The following HERC2 variants were observed in gnomAD, a reference collection of about 807,000 sequenced individuals.
HERC2 encodes the protein HECT and RLD domain containing E3 ubiquitin protein ligase 2.
Under a neutral mutation model 537.7 loss-of-function variants are expected in HERC2, and 102 were observed. The observed-to-expected ratio is 0.19, with a 90% CI of 0.16 to 0.22. The LOEUF (loss-of-function observed/expected upper bound fraction) is 0.22, where lower values mean the gene tolerates loss of function less well. Ranked by LOEUF, HERC2 falls within the 10% of genes least tolerant of loss-of-function variation. The pLI is 1.00. For synonymous variants in HERC2, 2,224 were observed against 2,466.2 expected (o/e 0.90, Z 2.91); for missense variants, 4,236 against 6,198.2 (o/e 0.68, Z 10.63).
At chr15:28,163,903 C>T (rs989163808) in intron 68 of HERC2, among the ~76,000 whole-genome samples, 2 of 152,164 alleles carry the variant, frequency 1.3e-5, no homozygotes, top group Admixed American at 6.5e-5. Flanking sequence ...TCCTTGTTTG[C>T]TATGAGCCAA....
intron 2 of HERC2, among the ~76,000 whole-genome samples, chr15:28,308,531 G>A (rs2076854611): frequency 6.6e-6 from 1 of 152,168 alleles, no homozygotes; most frequent in African/African-American, 2.4e-5. Context: ...CCAATGTGGA[G>A]GCCTTTTATT....
intron 14 of HERC2, among the ~76,000 whole-genome samples, chr15:28,264,294 C>T (rs1469597498): frequency 6.6e-6 from 1 of 152,186 alleles, no homozygotes; most frequent in Non-Finnish European, 1.5e-5. Flanking sequence ...GAGTGGCATG[C>T]CTGCATGCCA....
chr15:28,217,809 CA>C (rs1001697063), intron 38 of HERC2, among the ~76,000 whole-genome samples: 5 of 152,056 alleles, frequency 3.3e-5, no homozygotes, highest in African/African-American at 1.2e-4. Context: ...AAGACGCAGG[CA>C]GAGACTGGCA....
In HERC2 at chr15:28,233,652, C is replaced by T. The variant is rs201523297; in HGVS notation, c.4351+12G>A. 2.8e-4 allele frequency: 449 copies of T among 1,613,668 alleles called. No homozygotes were observed. The highest frequency in any genetic ancestry group is 3.6e-4 in the Non-Finnish European group (422 of 1,179,624). On this transcript the variant is annotated intron_variant, in intron 28 of 92. Coordinates refer to ENST00000261609, the MANE Select transcript of HERC2 (RefSeq NM_004667.6). ...CAGTGTACCTAAAGTACACAGATAT[C>T]GAGCTCCTTACCTAAATCTTCATGT...
intron 74 of HERC2, 146 bp downstream of exon 74, chr15:28,143,727 T>G: frequency 3.1e-6 from 3 of 959,026 alleles, no homozygotes; most frequent in Non-Finnish European, 4.7e-6. Context: ...ATTACACGCA[T>G]GAGCCACCGC....
In HERC2 at chr15:28,141,747, C is replaced by T; in HGVS notation, c.11800G>A (p.Val3934Met). The change falls in exon 77 of 93, where the codon GTG (valine) becomes ATG (methionine). Residue 3934 changes from valine to methionine, a missense_variant. Coordinates refer to ENST00000261609, the MANE Select transcript of HERC2 (RefSeq NM_004667.6). ...IFKREQDEQL[V>M]QWMNRRPDDW... ...TATAATAACCTGTTCATCCACTGCACAAGTTGTTCGTCTTGCTCTCTTTTA... is the reference window on the plus strand; with the variant it reads ...TATAATAACCTGTTCATCCACTGCATAAGTTGTTCGTCTTGCTCTCTTTTA... The T allele has an allele frequency of 6.2e-7, 1 of 1,614,094 alleles. No homozygotes were observed. The highest frequency in any genetic ancestry group is 1.1e-5 in the South Asian group (1 of 91,078).
At chr15:28,197,682 C>A (rs538256605) in intron 50 of HERC2, among the ~76,000 whole-genome samples, 4 of 152,076 alleles carry the variant, frequency 2.6e-5, no homozygotes, top group African/African-American at 9.7e-5. Flanking sequence ...AACCTGGGGG[C>A]GGAGGTTGCA....
At chr15:28,283,674 AATTACG>A (rs2076082101) in intron 4 of HERC2, among the ~76,000 whole-genome samples, 1 of 152,214 alleles carries the variant, frequency 6.6e-6, no homozygotes, top group Admixed American at 6.5e-5. Flanking sequence ...GACTTTGCTA[AATTACG>A]TCTGAAGGTT....
At position 28,179,210 on chromosome 15, in the gene HERC2, G is replaced by A. The variant is rs758765256; in HGVS notation, c.8951C>T (p.Ser2984Leu). ...CAAAGCTGACAGTGTCTCAGAGAAC[G>A]AAGGAACCTTTATCTACAACAGAAT... is the stretch of plus-strand genomic sequence containing the variant. ...GLKGSKIKVP[S>L]FSETLSALNV... The change falls in exon 58 of 93, where the codon TCG becomes TTG. Residue 2984 changes from serine (S) to leucine (L), a missense_variant. Physicochemically the swap from Ser to Leu is moderately radical, Grantham distance 145. This residue lies in a region of HERC2 where 606 missense variants were observed against 884.5 expected (regional missense o/e 0.69). Coordinates refer to ENST00000261609, the MANE Select transcript of HERC2 (RefSeq NM_004667.6). The A allele has an allele frequency of 1.4e-5, 22 of 1,605,462 alleles. No homozygotes were observed. The highest frequency in any genetic ancestry group is 6.8e-5 in the South Asian group (6 of 88,842).
intron 69 of HERC2, among the ~76,000 whole-genome samples, chr15:28,154,836 C>T (rs145326839): frequency 1.6e-3 from 248 of 152,124 alleles, no homozygotes; most frequent in African/African-American, 5.6e-3. Context: ...TACATATGTA[C>T]ACATGTGCCA....
rs1029699965 is a variant in HERC2 at position 28,141,971 on chromosome 15, T to C, written c.11701-125A>G. Reference sequence around the variant, plus strand: ...AGGGAAGAGCAACATTGCAATGTTATGGTTCATGGGCAAAACCAATAATGA... The same window carrying C: ...AGGGAAGAGCAACATTGCAATGTTACGGTTCATGGGCAAAACCAATAATGA... On this transcript the variant is annotated intron_variant, in intron 76 of 92. Transcript: ENST00000261609. 6 of 818,694 alleles carry C rather than the reference T, an allele frequency of 7.3e-6. No homozygotes were observed. The African/African-American group carries it at 1.0e-4, about 14-fold the overall frequency. 50.7% of individuals were successfully genotyped at this position (818,694 alleles called of 1,614,324 possible). A position where few individuals can be genotyped will look rare whatever the true frequency, so the allele number is the denominator to read the frequency against.
chr15:28,244,454 G>A (rs902785657), intron 23 of HERC2, among the ~76,000 whole-genome samples: 3 of 152,168 alleles, frequency 2.0e-5, no homozygotes, highest in Admixed American at 6.5e-5. Flanking sequence ...CACAGCCTGG[G>A]GAAGGGCACT....
At position 28,268,715 on chromosome 15, in the gene HERC2, G is replaced by A; in HGVS notation, c.1447-99C>T. ...CATGTATCCCCAAGCAAAGCCTGCT[G>A]TAACTCCAAGTGGGGCATAAGTCTC... On this transcript the variant is annotated intron_variant, in intron 11 of 92. Coordinates refer to ENST00000261609, the MANE Select transcript of HERC2 (RefSeq NM_004667.6). The surrounding 1 kb of genome is among the most constrained non-coding windows in gnomAD (Gnocchi z 4.7). The A allele has an allele frequency of 1.0e-6, 1 of 972,934 alleles. No individual in the cohort carries two copies. Among genetic ancestry groups the A allele is most frequent in the East Asian group, 2.6e-5 (1 of 38,120 alleles). The allele number at this position is 972,934 out of a possible 1,614,324, so 60.3% of individuals were successfully genotyped here. A position where few individuals can be genotyped will look rare whatever the true frequency, so the allele number is the denominator to read the frequency against.
At chr15:28,153,643 T>A (rs559707764) in intron 69 of HERC2, among the ~76,000 whole-genome samples, 1 of 152,078 alleles carries the variant, frequency 6.6e-6, no homozygotes, top group South Asian at 2.1e-4. Flanking sequence ...AGAGAGAGAC[T>A]CTGTCTCGAA....
chr15:28,193,874 C>T (rs8030941), intron 52 of HERC2, among the ~76,000 whole-genome samples: 31,458 of 151,934 alleles, frequency 0.21, 6,266 homozygotes, highest in African/African-American at 0.5. Context: ...CAAAAATAGA[C>T]AATTTGTAAC....
chr15:28,321,507 A>G, intron 1 of HERC2, 43 bp from the exon 2 acceptor site: 2 of 1,047,476 alleles, frequency 1.9e-6, no homozygotes, highest in Non-Finnish European at 2.8e-6. Flanking sequence ...GCTTTTTAAT[A>G]GTTTACAAAG....
At chr15:28,240,515 A>G (rs747922923) in intron 23 of HERC2, among the ~76,000 whole-genome samples, 19 of 152,248 alleles carry the variant, frequency 1.2e-4, no homozygotes, top group Non-Finnish European at 2.1e-4. Flanking sequence ...TCACCTGTTA[A>G]AACTAGATTC....
intron 27 of HERC2, 127 bp from the exon 28 acceptor site, chr15:28,233,923 A>G (rs1902150961): frequency 2.7e-6 from 2 of 749,952 alleles, no homozygotes; most frequent in African/African-American, 3.5e-5. Context: ...GCATGTTAAC[A>G]CAATCAGGTT....
In HERC2 at chr15:28,191,862, CA is replaced by C. The variant is rs1219677359; in HGVS notation, c.8451+98del. 4.9e-6 allele frequency: 5 copies of C among 1,012,724 alleles called. No homozygotes were observed. The Admixed American group carries it at 1.2e-4, about 24-fold the overall frequency. 62.7% of individuals were successfully genotyped at this position (1,012,724 alleles called of 1,614,324 possible). A position where few individuals can be genotyped will look rare whatever the true frequency, so the allele number is the denominator to read the frequency against. ...TAACGTGAGTACTGACAGGTGCTAT[CA>C]GCAAAACTTTGCAGGCTGCTCAAAG... On this transcript the variant is annotated intron_variant, in intron 53 of 92. Coordinates refer to ENST00000261609, the MANE Select transcript of HERC2 (RefSeq NM_004667.6).
Sources: allele counts gnomAD v4.1 joint callset (sites outside exome capture counted in the v4.1 genomes callset), GRCh38; gene constraint gnomAD v4.1.1; regional missense constraint gnomAD v4.1.1; non-coding constraint Gnocchi (gnomAD v3.1); transcripts MANE v1.5; gene names NCBI Gene and HGNC (gene_info 2026-07-23, HGNC 2026-07-21).